Variants in SLC4A1 observed in about 807,000 individuals in gnomAD.
The protein encoded by SLC4A1 is band 3 anion transport protein.
SLC4A1 carries 29 observed loss-of-function variants against 93.1 expected under a neutral mutation model. The ratio of observed to expected loss-of-function variants is 0.31; its 90% CI spans 0.23 to 0.42. The LOEUF (loss-of-function observed/expected upper bound fraction) is 0.42. Among genes scored for constraint, SLC4A1 ranks in the 20% least tolerant of loss-of-function variants. The pLI is 1.00. For synonymous variants in SLC4A1, 469 were observed against 497.2 expected (o/e 0.94, Z 0.76); for missense variants, 965 against 1,190.1 (o/e 0.81, Z 2.78).
chr17:44,251,701 T>C, intron 17 of SLC4A1, 113 bp from the exon 18 acceptor site: 2 of 763,014 alleles, frequency 2.6e-6, no homozygotes, highest in South Asian at 3.4e-5. Flanking sequence ...TGGAGCCATT[T>C]CTTTTTTCCT....
intron 19 of SLC4A1, among the ~76,000 whole-genome samples, chr17:44,250,896 G>A (rs1206058539): frequency 6.6e-6 from 1 of 152,150 alleles, no homozygotes; most frequent in Non-Finnish European, 1.5e-5. Context: ...TAGGGGTCCA[G>A]CTCACTCACA....
In SLC4A1 at chr17:44,259,796, G is replaced by GT. The variant is rs1567834114; in HGVS notation, c.609+12dup. 6.2e-7 allele frequency: 1 copy of GT among 1,613,926 alleles called. No homozygotes were observed. The highest frequency in any genetic ancestry group is 1.1e-5 in the South Asian group (1 of 91,086). On this transcript the variant is annotated intron_variant, in intron 7 of 19. Coordinates refer to ENST00000262418, the MANE Select transcript of SLC4A1 (RefSeq NM_000342.4). ...CCACCCTGACCCTGACCCTGACCCT[G>GT]TAACTGACTCACCTGCTCACAGAAG...
At chr17:44,253,764 C>A (rs552413617) in intron 16 of SLC4A1, among the ~76,000 whole-genome samples, 2 of 151,958 alleles carry the variant, frequency 1.3e-5, no homozygotes, top group Non-Finnish European at 2.9e-5. Context: ...CTCTGCCTCC[C>A]GGGTTCAAGT....
chr17:44,251,720 CTTTTTTT>C (rs67064853), intron 17 of SLC4A1, 132 bp from the exon 18 acceptor site: 76 of 392,896 alleles, frequency 1.9e-4, no homozygotes, highest in Middle Eastern at 8.3e-4. Context: ...CTTTTCTTTT[CTTTTTTT>C]TTTTTTTTTT....
chr17:44,251,642 G>T (rs907725219), intron 17 of SLC4A1, 54 bp from the exon 18 acceptor site: 21 of 1,558,348 alleles, frequency 1.3e-5, no homozygotes, highest in South Asian at 5.6e-5. Context: ...TGGCACCAGT[G>T]GGGGGTCAGG....
intron 3 of SLC4A1, among the ~76,000 whole-genome samples, chr17:44,262,278 C>A (rs532881937): frequency 6.6e-6 from 1 of 152,288 alleles, no homozygotes; most frequent in African/African-American, 2.4e-5. Flanking sequence ...GGAGGGTCCC[C>A]ACAAGCCCCT....
rs2047434909 is a variant in SLC4A1 at position 44,260,624 on chromosome 17, A to G, written c.349+11T>C. 2 of 1,614,118 alleles carry G rather than the reference A, an allele frequency of 1.2e-6. No individual in the cohort carries two copies. Among genetic ancestry groups the G allele is most frequent in the Non-Finnish European group, 1.7e-6 (2 of 1,179,972 alleles). ...ATCTGCAGGGGGTCCAGAAGGGCCC[A>G]GGAGGCTCACCCTTGGTGAAGACTC... On this transcript the variant is annotated intron_variant, in intron 5 of 19. Coordinates refer to ENST00000262418, the MANE Select transcript of SLC4A1 (RefSeq NM_000342.4).
intron 14 of SLC4A1, 43 bp downstream of exon 14, chr17:44,255,630 A>T (rs1356584268): frequency 6.3e-7 from 1 of 1,598,476 alleles, no homozygotes; most frequent in South Asian, 1.1e-5. Context: ...TTGGGCTGGG[A>T]TAGGGCAGTG....
At chr17:44,260,941 C>G (rs559023877) in intron 4 of SLC4A1, 126 bp from the exon 5 acceptor site, 1 of 1,032,200 alleles carries the variant, frequency 9.7e-7, no homozygotes, top group Non-Finnish European at 1.5e-6. Context: ...TCCGTAGATA[C>G]GGCTCACACC....
chr17:44,253,516 G>A lies in SLC4A1; in HGVS notation c.2058-145C>T, dbSNP rs1321275033. ...TGAGTTCCTTGCTCCCCTCCCTCCC[G>A]CCCCATCTTGAGAATCCAAACTCTT... On this transcript the variant is annotated intron_variant, in intron 16 of 19. Transcript: ENST00000262418. 1.0e-5 allele frequency: 9 copies of A among 900,958 alleles called. No individual in the cohort carries two copies. In the East Asian group the frequency reaches 1.1e-4, roughly 11 times the overall value. The allele number at this position is 900,958 out of a possible 1,614,324, so 55.8% of individuals were successfully genotyped here. A position where few individuals can be genotyped will look rare whatever the true frequency, so the allele number is the denominator to read the frequency against.
chr17:44,254,981 G>T (rs1286716084), intron 15 of SLC4A1, among the ~76,000 whole-genome samples: 1 of 152,136 alleles, frequency 6.6e-6, no homozygotes, highest in Non-Finnish European at 1.5e-5. Context: ...TACTGCTCTG[G>T]GTTAAGGAAT....
intron 19 of SLC4A1, among the ~76,000 whole-genome samples, 181 bp from the exon 20 acceptor site, chr17:44,250,719 A>C (rs1159109468): frequency 6.6e-6 from 1 of 152,142 alleles, no homozygotes; most frequent in Non-Finnish European, 1.5e-5. Flanking sequence ...TCAAAGTGAG[A>C]GGCAACCCCG....
chr17:44,263,205 C>G (rs1008221625), intron 1 of SLC4A1, among the ~76,000 whole-genome samples: 6 of 152,180 alleles, frequency 3.9e-5, no homozygotes, highest in Admixed American at 3.9e-4. Flanking sequence ...AGGTCACCCT[C>G]AGGTCCATCT....
intron 16 of SLC4A1, 39 bp downstream of exon 16, chr17:44,254,457 T>TAC: frequency 2.9e-5 from 37 of 1,282,710 alleles, no homozygotes; most frequent in East Asian, 7.4e-5. Context: ...GGTCCCTGCC[T>TAC]CCCACCCTCC....
intron 6 of SLC4A1, 91 bp from the exon 7 acceptor site, chr17:44,260,023 G>C: frequency 6.6e-7 from 1 of 1,524,158 alleles, no homozygotes; most frequent in East Asian, 2.2e-5. Context: ...TCAAGGGACT[G>C]GGGTAGACAT....
chr17:44,249,359 G>A lies in SLC4A1; in HGVS notation c.*1099C>T, dbSNP rs2047319748. ...CAGTTTAGATGGAGTTGAGGATAATGGCTCTCAAATGAGGGGCCTGAAGTT... is the reference window on the plus strand; with the variant it reads ...CAGTTTAGATGGAGTTGAGGATAATAGCTCTCAAATGAGGGGCCTGAAGTT... On this transcript the variant is annotated 3_prime_UTR_variant, in exon 20 of 20. Coordinates refer to ENST00000262418, the MANE Select transcript of SLC4A1 (RefSeq NM_000342.4). 3.2e-6 allele frequency: 1 copy of A among 309,790 alleles called. No individual in the cohort carries two copies. Among genetic ancestry groups the A allele is most frequent in the East Asian group, 1.3e-4 (1 of 7,916 alleles). The allele number at this position is 309,790 out of a possible 1,614,324, so 19.2% of individuals were successfully genotyped here.
At chr17:44,266,619 C>A (rs117463506) in intron 1 of SLC4A1, among the ~76,000 whole-genome samples, 1 of 152,274 alleles carries the variant, frequency 6.6e-6, no homozygotes, top group Admixed American at 6.5e-5. Flanking sequence ...AACAGAGGTG[C>A]CTTGAGCTCA....
chr17:44,255,942 A>G, intron 13 of SLC4A1, 96 bp from the exon 14 acceptor site: 1 of 1,091,036 alleles, frequency 9.2e-7, no homozygotes, highest in Non-Finnish European at 1.4e-6. Context: ...CTATCCATTC[A>G]TCCAGTCATC....
intron 1 of SLC4A1, among the ~76,000 whole-genome samples, chr17:44,265,486 C>T: frequency 6.6e-6 from 1 of 152,164 alleles, no homozygotes; most frequent in Non-Finnish European, 1.5e-5. Flanking sequence ...TCTCCTGCCT[C>T]AGCCTCCCGA....
Sources: gnomAD v4.1 joint callset for allele counts (sites outside exome capture counted in the v4.1 genomes callset) on GRCh38, gnomAD v4.1.1 for gene constraint, MANE v1.5 for transcripts, NCBI Gene and HGNC (gene_info 2026-07-23, HGNC 2026-07-21) for gene names.